Variants in TRDN observed in about 807,000 individuals in gnomAD.
TRDN encodes triadin in skeletal muscle.
TRDN carries 161 observed loss-of-function variants against 149.7 expected under a neutral mutation model. The ratio of observed to expected loss-of-function variants is 1.08; its 90% confidence interval spans 0.95 to 1.23. The LOEUF (loss-of-function observed/expected upper bound fraction) is 1.23, where lower values mean the gene tolerates loss of function less well. Among genes scored for constraint, TRDN ranks in the 50% most tolerant of loss-of-function variants. The pLI is 0.00. For synonymous variants in TRDN, 294 were observed against 250.5 expected (o/e 1.17, Z -1.64); for missense variants, 896 against 823.5 (o/e 1.09, Z -1.08).
At chr6:123,307,537 C>T (rs1778658638) in intron 24 of TRDN, among the ~76,000 whole-genome samples, 1 of 152,038 alleles carries the variant, frequency 6.6e-6, no homozygotes, top group Admixed American at 6.6e-5. Context: ...ATGATTGATG[C>T]ATTTTTTTAA....
At chr6:123,221,391 TC>T in intron 40 of TRDN, 95 bp downstream of exon 40, 2 of 810,862 alleles carry the variant, frequency 2.5e-6, no homozygotes, top group Non-Finnish European at 3.6e-6. Context: ...AATTTTTTCT[TC>T]GAATACTGGT....
chr6:123,243,946 C>G (rs1280062593), intron 38 of TRDN, among the ~76,000 whole-genome samples: 3 of 152,124 alleles, frequency 2.0e-5, no homozygotes, highest in Non-Finnish European at 2.9e-5. Flanking sequence ...CATCCAGTCA[C>G]AGGAGAAAAC....
At position 123,294,528 on chromosome 6, in the gene TRDN, A is replaced by G. The variant is rs1778124812; in HGVS notation, c.1511-15446T>C. Among the ~76,000 whole-genome samples, 5 of 152,184 alleles carry G rather than the reference A, an allele frequency of 3.3e-5. No homozygotes were observed. In the South Asian group the frequency reaches 1.0e-3, roughly 32 times the overall value. On this transcript the variant is annotated intron_variant, in intron 24 of 40. Transcript: ENST00000334268. ...GGATGAAACTGTTCCACCTCAGATC[A>G]TCAGGCATTAGATTCTCATAATGAG...
At chr6:123,225,077 G>C (rs1181902317) in intron 38 of TRDN, among the ~76,000 whole-genome samples, 1 of 131,566 alleles carries the variant, frequency 7.6e-6, no homozygotes, top group Admixed American at 8.2e-5. Flanking sequence ...AATGGGCAAA[G>C]GATCTGAACA....
At chr6:123,586,234 G>A (rs1360155311) in intron 1 of TRDN, among the ~76,000 whole-genome samples, 1 of 152,126 alleles carries the variant, frequency 6.6e-6, no homozygotes, top group Admixed American at 6.5e-5. Flanking sequence ...GGCTAGTCAC[G>A]GAATGAAACT....
chr6:123,390,797 A>G (rs945186515), intron 13 of TRDN, among the ~76,000 whole-genome samples: 6 of 152,144 alleles, frequency 3.9e-5, no homozygotes, highest in Middle Eastern at 3.4e-3. Context: ...GTTCTCAATA[A>G]CTGGGTTTTT....
intron 1 of TRDN, among the ~76,000 whole-genome samples, chr6:123,589,746 T>C (rs1454905681): frequency 1.3e-5 from 2 of 152,192 alleles, no homozygotes; most frequent in Non-Finnish European, 1.5e-5. Flanking sequence ...CATAAGTTCA[T>C]GCAGATGTAT....
chr6:123,285,658 A>C (rs1182862248), intron 24 of TRDN, among the ~76,000 whole-genome samples: 1 of 152,192 alleles, frequency 6.6e-6, no homozygotes, highest in Non-Finnish European at 1.5e-5. Context: ...ATCCAAAAGC[A>C]AATGGAACAA....
chr6:123,334,706 T>A (rs1274167222), intron 22 of TRDN, among the ~76,000 whole-genome samples: 2 of 152,000 alleles, frequency 1.3e-5, no homozygotes, highest in African/African-American at 4.8e-5. Context: ...TCTCCTGATT[T>A]TTTTTTTCTT....
intron 38 of TRDN, among the ~76,000 whole-genome samples, chr6:123,226,989 C>T (rs531755263): frequency 2.6e-5 from 4 of 151,662 alleles, no homozygotes; most frequent in Non-Finnish European, 5.9e-5. Context: ...CTAGAGACAG[C>T]GAAGGACAGA....
chr6:123,340,970 A>C (rs1287315526), intron 21 of TRDN, among the ~76,000 whole-genome samples: 1 of 151,950 alleles, frequency 6.6e-6, no homozygotes, highest in Non-Finnish European at 1.5e-5. Context: ...TAATATGTGA[A>C]TCCCTTACAT....
chr6:123,255,841 T>C, intron 36 of TRDN, 26 bp downstream of exon 36: 1 of 1,317,852 alleles, frequency 7.6e-7, no homozygotes, highest in Non-Finnish European at 9.9e-7. Context: ...CTTTGCATTC[T>C]ATTTTTTATT....
chr6:123,412,175 C>T (rs917838566), intron 12 of TRDN, among the ~76,000 whole-genome samples: 13 of 152,086 alleles, frequency 8.5e-5, no homozygotes, highest in South Asian at 2.1e-4. Flanking sequence ...AGTTATTAGA[C>T]GAACACAGGA....
chr6:123,396,158 C>T (rs1287208025), intron 12 of TRDN, among the ~76,000 whole-genome samples: 1 of 152,176 alleles, frequency 6.6e-6, no homozygotes, highest in African/African-American at 2.4e-5. Flanking sequence ...AAATATTGTA[C>T]TACTGAAAAC....
At chr6:123,483,636 AT>A (rs1777861456) in intron 9 of TRDN, among the ~76,000 whole-genome samples, 2 of 152,132 alleles carry the variant, frequency 1.3e-5, no homozygotes, top group Non-Finnish European at 2.9e-5. Flanking sequence ...TCTGCATCAT[AT>A]GATTTAGTGC....
intron 24 of TRDN, among the ~76,000 whole-genome samples, chr6:123,282,495 T>C (rs182515200): frequency 5.9e-5 from 9 of 152,054 alleles, no homozygotes; most frequent in Admixed American, 5.9e-4. Context: ...AATTCATTCA[T>C]AAAGAAACTT....
intron 40 of TRDN, among the ~76,000 whole-genome samples, chr6:123,218,941 C>T (rs529571564): frequency 7.0e-4 from 107 of 151,818 alleles, no homozygotes; most frequent in Non-Finnish European, 1.3e-3. Flanking sequence ...AATATTATGA[C>T]AGTTAAATGA....
intron 39 of TRDN, 23 bp downstream of exon 39, chr6:123,224,070 T>A: frequency 6.2e-7 from 1 of 1,602,276 alleles, no homozygotes; most frequent in Non-Finnish European, 8.5e-7. Context: ...AACTTGTAAA[T>A]GATCCAAAGA....
At chr6:123,618,208 C>T (rs1785200181) in intron 1 of TRDN, among the ~76,000 whole-genome samples, 1 of 152,118 alleles carries the variant, frequency 6.6e-6, no homozygotes, top group African/African-American at 2.4e-5. Flanking sequence ...TCTTACAATT[C>T]TGTACTTGGA....
Sources: gnomAD v4.1 joint callset for allele counts (sites outside exome capture counted in the v4.1 genomes callset) on GRCh38, gnomAD v4.1.1 for gene constraint, MANE v1.5 for transcripts, NCBI Gene and HGNC (gene_info 2026-07-23, HGNC 2026-07-21) for gene names.